Variants in ATP2B2 observed in about 807,000 individuals in gnomAD.
The protein encoded by ATP2B2 is plasma membrane calcium-transporting ATPase 2.
Under a neutral mutation model 120.0 loss-of-function variants are expected in ATP2B2, and 15 were observed. That is an observed-to-expected ratio of 0.12 (90% CI 0.08 to 0.19). The LOEUF (loss-of-function observed/expected upper bound fraction) is 0.19, where lower values mean the gene tolerates loss of function less well. Ranked by LOEUF, ATP2B2 falls within the 10% of genes least tolerant of loss-of-function variation. ATP2B2 has a pLI of 1.00. For synonymous variants in ATP2B2, 694 were observed against 700.3 expected (o/e 0.99, Z 0.14); for missense variants, 1,045 against 1,719.8 (o/e 0.61, Z 6.94).
chr3:10,689,916 A>G (rs2071617422), intron 1 of ATP2B2, among the ~76,000 whole-genome samples: 1 of 152,178 alleles, frequency 6.6e-6, no homozygotes, highest in Non-Finnish European at 1.5e-5. Flanking sequence ...GAACAGAGGA[A>G]TGGGGAACAC....
intron 2 of ATP2B2, among the ~76,000 whole-genome samples, chr3:10,607,621 T>C (rs1559483739): frequency 6.6e-6 from 1 of 152,212 alleles, no homozygotes; most frequent in Non-Finnish European, 1.5e-5. Flanking sequence ...ATTCAATACC[T>C]GAAAAATCTA....
At chr3:10,683,760 G>GTGTGTGTATATATATATATATA (rs1446781892) in intron 1 of ATP2B2, among the ~76,000 whole-genome samples, 2 of 53,880 alleles carry the variant, frequency 3.7e-5, no homozygotes, top group Admixed American at 2.5e-4. Flanking sequence ...GTGTGTGTGT[G>GTGTGTGTATATATATATATATA]TATATATATA....
At chr3:10,476,094 C>T (rs79142096) in intron 1 of ATP2B2, among the ~76,000 whole-genome samples, 5,916 of 152,184 alleles carry the variant, frequency 0.039, 380 homozygotes, top group African/African-American at 0.14. Flanking sequence ...TGAGTTACCC[C>T]GCTAAGCAAG....
chr3:10,503,166 G>A (rs539030343), intron 1 of ATP2B2, among the ~76,000 whole-genome samples: 7 of 152,362 alleles, frequency 4.6e-5, no homozygotes, highest in African/African-American at 1.4e-4. Flanking sequence ...TGCATACAAC[G>A]TAAGCCACAG....
Position 10,328,765 on chromosome 3 carries a change from G to A in ATP2B2, c.*49C>T, listed in dbSNP as rs918215251. 2 of 1,546,712 alleles carry A rather than the reference G, an allele frequency of 1.3e-6. No individual in the cohort carries two copies. Among genetic ancestry groups the A allele is most frequent in the Non-Finnish European group, 1.8e-6 (2 of 1,140,436 alleles). ...GGATGGATGGGTGCCCGGAAAGCGG[G>A]TGGCAGCGGGGTCCATGAGGGCGGG... On this transcript the variant is annotated 3_prime_UTR_variant, in exon 23 of 23. Transcript: ENST00000360273.
intron 1 of ATP2B2, among the ~76,000 whole-genome samples, chr3:10,679,556 G>A (rs561404274): frequency 6.6e-6 from 1 of 152,288 alleles, no homozygotes; most frequent in Non-Finnish European, 1.5e-5. Context: ...TAGTCAGGAG[G>A]GGCCAACACT....
chr3:10,427,621 T>C (rs1332541741), intron 2 of ATP2B2, among the ~76,000 whole-genome samples: 2 of 152,240 alleles, frequency 1.3e-5, no homozygotes, highest in East Asian at 3.8e-4. Flanking sequence ...ATCAGGTATG[T>C]GGTGTCTCCT....
intron 2 of ATP2B2, among the ~76,000 whole-genome samples, chr3:10,582,944 T>C (rs1338120049): frequency 6.6e-6 from 1 of 152,188 alleles, no homozygotes; most frequent in Non-Finnish European, 1.5e-5. Flanking sequence ...CAGCACAGAG[T>C]AGGTACTTAG....
chr3:10,338,170 C>T lies in ATP2B2; in HGVS notation c.3420+6G>A. ...CCTGGGCCCAGCCCCCAAGAGCCTCCTGTACCTGTGTCTGGATCCGATTCA... is the reference window on the plus strand; with the variant it reads ...CCTGGGCCCAGCCCCCAAGAGCCTCTTGTACCTGTGTCTGGATCCGATTCA... On this transcript the variant is annotated splice_donor_region_variant and intron_variant, in intron 22 of 22. Coordinates refer to ENST00000360273, the MANE Select transcript of ATP2B2 (RefSeq NM_001001331.4). 6 of 1,613,924 alleles carry T rather than the reference C, an allele frequency of 3.7e-6. No individual in the cohort carries two copies. Among genetic ancestry groups the T allele is most frequent in the Non-Finnish European group, 5.1e-6 (6 of 1,180,014 alleles).
intron 2 of ATP2B2, among the ~76,000 whole-genome samples, chr3:10,554,429 A>T (rs2067735902): frequency 6.6e-6 from 1 of 152,166 alleles, no homozygotes; most frequent in Non-Finnish European, 1.5e-5. Context: ...AAGACAGGGG[A>T]GATCACCCTG....
upstream of ATP2B2, among the ~76,000 whole-genome samples, chr3:10,507,303 T>A (rs1314941660): frequency 6.6e-6 from 1 of 152,120 alleles, no homozygotes; most frequent in East Asian, 1.9e-4. Context: ...CTGCTTCATC[T>A]TGCGGGTGCA....
intron 2 of ATP2B2, among the ~76,000 whole-genome samples, chr3:10,611,320 C>T (rs924419323): frequency 6.6e-6 from 1 of 152,194 alleles, no homozygotes; most frequent in African/African-American, 2.4e-5. Flanking sequence ...TGAGCAGGGG[C>T]ACCTCCCTGG....
At chr3:10,476,793 G>A (rs1295809666) in intron 1 of ATP2B2, among the ~76,000 whole-genome samples, 1 of 152,236 alleles carries the variant, frequency 6.6e-6, no homozygotes, top group Non-Finnish European at 1.5e-5. Context: ...CTGAGGAAGG[G>A]GGTGAAGGTA....
chr3:10,601,512 T>G (rs868381988), intron 2 of ATP2B2, among the ~76,000 whole-genome samples: 14 of 152,344 alleles, frequency 9.2e-5, no homozygotes, highest in Non-Finnish European at 1.5e-4. Flanking sequence ...CATTTATAAA[T>G]GGAGGTCATA....
rs199777846 is a variant in ATP2B2 at position 10,342,974 on chromosome 3, G to C, written c.2704-9C>G. The C allele has an allele frequency of 5.0e-6, 8 of 1,612,978 alleles. No homozygotes were observed. The highest frequency in any genetic ancestry group is 6.8e-6 in the Non-Finnish European group (8 of 1,179,500). ...GCCTTCAGAGGGGAGTCCTGGGGAC[G>C]GGCAGGAGAGGGCTGTCACCTGTGC... On this transcript the variant is annotated splice_polypyrimidine_tract_variant and intron_variant, in intron 18 of 22. Transcript: ENST00000360273. The surrounding 1 kb of genome is among the most constrained non-coding windows in gnomAD (Gnocchi z 4.4).
At chr3:10,437,515 C>T (rs574629686) in intron 2 of ATP2B2, among the ~76,000 whole-genome samples, 1 of 152,340 alleles carries the variant, frequency 6.6e-6, no homozygotes, top group South Asian at 2.1e-4. Context: ...ACTGCCACTT[C>T]CTAACGCCCA....
chr3:10,594,622 C>T (rs907630558), intron 2 of ATP2B2, among the ~76,000 whole-genome samples: 2 of 151,332 alleles, frequency 1.3e-5, no homozygotes, highest in Non-Finnish European at 2.9e-5. Flanking sequence ...ATGTAAATGA[C>T]GAGTTAATGG....
chr3:10,581,492 T>C (rs2125561576), intron 2 of ATP2B2, among the ~76,000 whole-genome samples: 1 of 152,116 alleles, frequency 6.6e-6, no homozygotes, highest in South Asian at 2.1e-4. Context: ...ACAGCCACAG[T>C]GATGAGGAAC....
intron 1 of ATP2B2, among the ~76,000 whole-genome samples, chr3:10,688,870 G>A (rs1440114952): frequency 6.6e-6 from 1 of 152,072 alleles, no homozygotes; most frequent in African/African-American, 2.4e-5. Flanking sequence ...GTATTAGGGT[G>A]GCCTTCGGTT....
Sources: allele counts gnomAD v4.1 joint callset (sites outside exome capture counted in the v4.1 genomes callset), GRCh38; gene constraint gnomAD v4.1.1; non-coding constraint Gnocchi (gnomAD v3.1); transcripts MANE v1.5; gene names NCBI Gene and HGNC (gene_info 2026-07-23, HGNC 2026-07-21).